Variants in ZNF546 observed in about 807,000 individuals in gnomAD.
ZNF546 encodes CTC-471F3.6.
A neutral mutation model predicts 76.2 loss-of-function variants in ZNF546; 60 were observed. The ratio of observed to expected loss-of-function variants is 0.79; its 90% CI spans 0.64 to 0.98. The LOEUF (loss-of-function observed/expected upper bound fraction) is 0.98. ZNF546 is among the 50% of genes least tolerant of loss of function. The pLI, the probability that ZNF546 is intolerant of heterozygous loss-of-function variation, is 0.00. For synonymous variants in ZNF546, 277 were observed against 328.1 expected (o/e 0.84, Z 1.68); for missense variants, 936 against 1,035.6 (o/e 0.90, Z 1.32).
intron 4 of ZNF546, 35 bp downstream of exon 4, chr19:40,006,217 T>C (rs199771320): frequency 6.4e-7 from 1 of 1,569,936 alleles, no homozygotes; most frequent in East Asian, 2.2e-5. Flanking sequence ...AAATACTGTG[T>C]TTTTAAATTC....
Position 40,006,062 on chromosome 19 carries a change from A to T in ZNF546, c.85-34A>T, listed in dbSNP as rs1208819343. On this transcript the variant is annotated intron_variant, in intron 3 of 6. Coordinates refer to ENST00000347077, the MANE Select transcript of ZNF546 (RefSeq NM_178544.5). Reference sequence around the variant, plus strand: ...AGTCATTTTAGGAGTTTTGACACACATCTGGTCTCAGAGTCACTTGTTCTT... The same window carrying T: ...AGTCATTTTAGGAGTTTTGACACACTTCTGGTCTCAGAGTCACTTGTTCTT... 1.9e-6 allele frequency: 3 copies of T among 1,579,384 alleles called. No individual in the cohort carries two copies. In the African/African-American group the frequency reaches 4.0e-5, roughly 21 times the overall value.
rs554172336 is a variant in ZNF546 at position 40,005,315 on chromosome 19, C to T, written c.85-781C>T. Among the ~76,000 whole-genome samples, 16 of 150,616 alleles carry T rather than the reference C, an allele frequency of 1.1e-4. No individual in the cohort carries two copies. In the East Asian group the frequency reaches 1.4e-3, roughly 13 times the overall value. On this transcript the variant is annotated intron_variant, in intron 3 of 6. Coordinates refer to ENST00000347077, the MANE Select transcript of ZNF546 (RefSeq NM_178544.5). ...GATTACAGGTGTGAGCCACCGCGCC[C>T]GGCCTAACCTGCATGCATCTTAATA...
rs2144632271 is a variant in ZNF546, at chr19:39,997,077, A to T, written c.-215A>T. The T allele has an allele frequency of 6.6e-6, 1 of 152,372 alleles. No individual in the cohort carries two copies. Among genetic ancestry groups the T allele is most frequent in the South Asian group, 2.1e-4 (1 of 4,832 alleles). The allele number at this position is 152,372 out of a possible 1,614,324, so 9.4% of individuals were successfully genotyped here. Reference sequence around the variant, plus strand: ...CCTTGGGCAGTGTTGCCTGGACCCCAAGGGCCCTTTACATTGCGTTCTTAA... The same window carrying T: ...CCTTGGGCAGTGTTGCCTGGACCCCTAGGGCCCTTTACATTGCGTTCTTAA... On this transcript the variant is annotated 5_prime_UTR_variant, in exon 1 of 7. Transcript: ENST00000347077.
In ZNF546 at chr19:40,015,993, A is replaced by C; in HGVS notation, c.*212A>C. On this transcript the variant is annotated 3_prime_UTR_variant, in exon 7 of 7. Coordinates refer to ENST00000347077, the MANE Select transcript of ZNF546 (RefSeq NM_178544.5). ...TTGATACTGATGCACTGCATCCCAAACCATCAAGGGCCTTTTCCCCTACAA... is the reference window on the plus strand; with the variant it reads ...TTGATACTGATGCACTGCATCCCAACCCATCAAGGGCCTTTTCCCCTACAA... 1.8e-6 allele frequency: 1 copy of C among 569,618 alleles called. No individual in the cohort carries two copies. Among genetic ancestry groups the C allele is most frequent in the East Asian group, 3.0e-5 (1 of 33,582 alleles). 35.3% of individuals were successfully genotyped at this position (569,618 alleles called of 1,614,324 possible).
chr19:40,003,193 G>A (rs527348588), intron 3 of ZNF546, among the ~76,000 whole-genome samples: 1 of 151,560 alleles, frequency 6.6e-6, no homozygotes. Flanking sequence ...CTGCCACCAC[G>A]CCTGGCTAAT....
At chr19:39,998,964 G>C (rs1194609831) in intron 3 of ZNF546, among the ~76,000 whole-genome samples, 4 of 152,002 alleles carry the variant, frequency 2.6e-5, no homozygotes, top group Non-Finnish European at 5.9e-5. Flanking sequence ...GTCGAGACAG[G>C]GTTTCACCAC....
intron 6 of ZNF546, among the ~76,000 whole-genome samples, chr19:40,011,727 G>C (rs908583183): frequency 6.6e-6 from 1 of 152,154 alleles, no homozygotes. Context: ...AAAAATTCTA[G>C]ACTAAGTTTT....
Position 40,020,952 on chromosome 19 carries a change from ATAAT to A in ZNF546, c.*5172_*5175del, listed in dbSNP as rs1971847841. 6.6e-6 allele frequency: 1 copy of A among 152,208 alleles called. No homozygotes were observed. Among genetic ancestry groups the A allele is most frequent in the African/African-American group, 2.4e-5 (1 of 41,472 alleles). The allele number at this position is 152,208 out of a possible 1,614,324, so 9.4% of individuals were successfully genotyped here. ...GCTCAATTTTTTATTTGAACGTACT[ATAAT>A]GAATTTAAACTTTCATTGGTATTTA... On this transcript the variant is annotated 3_prime_UTR_variant, in exon 7 of 7. Transcript: ENST00000347077.
rs1444651978 is a variant in ZNF546 at position 40,019,253 on chromosome 19, AG to A, written c.*3475del. On this transcript the variant is annotated 3_prime_UTR_variant, in exon 7 of 7. Coordinates refer to ENST00000347077, the MANE Select transcript of ZNF546 (RefSeq NM_178544.5). ...TAATATATTCAGGAAACAAATATTG[AG>A]GGCCAGCACTTTGTTTCTCCTGCTC... 1 of 152,232 alleles carries A rather than the reference AG, an allele frequency of 6.6e-6. No homozygotes were observed. Among genetic ancestry groups the A allele is most frequent in the Non-Finnish European group, 1.5e-5 (1 of 68,048 alleles). The allele number at this position is 152,232 out of a possible 1,614,324, so 9.4% of individuals were successfully genotyped here. A position where few individuals can be genotyped will look rare whatever the true frequency, so the allele number is the denominator to read the frequency against.
chr19:40,009,714 T>G (rs982488458), intron 6 of ZNF546, among the ~76,000 whole-genome samples: 6 of 152,216 alleles, frequency 3.9e-5, no homozygotes, highest in African/African-American at 1.4e-4. Context: ...GTTTTCATTT[T>G]CTAGAATTTT....
chr19:40,017,966 C>CTTTTTTTT lies in ZNF546; in HGVS notation c.*2207_*2214dup, dbSNP rs1186230239. On this transcript the variant is annotated 3_prime_UTR_variant, in exon 7 of 7. Coordinates refer to ENST00000347077, the MANE Select transcript of ZNF546 (RefSeq NM_178544.5). Reference sequence around the variant, plus strand: ...CCCCACAACTTTATTGCAACATTGACTTTTTTTTTTTTTTTTTTTTTTTTT... The same window carrying CTTTTTTTT: ...CCCCACAACTTTATTGCAACATTGACTTTTTTTTTTTTTTTTTTTTTTTTTTTTTTTTT... 5.5e-4 allele frequency: 35 copies of CTTTTTTTT among 63,088 alleles called. 2 individuals are homozygous for CTTTTTTTT. Among genetic ancestry groups the CTTTTTTTT allele is most frequent in the Non-Finnish European group, 6.7e-4 (22 of 32,742 alleles). 3.9% of individuals were successfully genotyped at this position (63,088 alleles called of 1,614,324 possible).
At position 40,017,809 on chromosome 19, in the gene ZNF546, A is replaced by G. The variant is rs1971793422; in HGVS notation, c.*2028A>G. 1.3e-5 allele frequency: 2 copies of G among 152,078 alleles called. No homozygotes were observed. Among genetic ancestry groups the G allele is most frequent in the African/African-American group, 4.8e-5 (2 of 41,404 alleles). 9.4% of individuals were successfully genotyped at this position (152,078 alleles called of 1,614,324 possible). On this transcript the variant is annotated 3_prime_UTR_variant, in exon 7 of 7. Coordinates refer to ENST00000347077, the MANE Select transcript of ZNF546 (RefSeq NM_178544.5). ...TCTGTAATATTCAGTCTGTGTTCAT[A>G]TTCTCAGTTGTGTTCATTCTTTTCA... is the stretch of plus-strand genomic sequence containing the variant.
chr19:40,009,115 G>A (rs573070879), intron 6 of ZNF546, among the ~76,000 whole-genome samples: 1 of 152,244 alleles, frequency 6.6e-6, no homozygotes, highest in South Asian at 2.1e-4. Context: ...AGTTAGTAGG[G>A]CTAATTTAGA....
At position 39,998,552 on chromosome 19, in the gene ZNF546, G is replaced by A. The variant is rs931935741; in HGVS notation, c.84+142G>A. 48 of 677,790 alleles carry A rather than the reference G, an allele frequency of 7.1e-5. No homozygotes were observed. The East Asian group carries it at 1.3e-3, about 19-fold the overall frequency. 42.0% of individuals were successfully genotyped at this position (677,790 alleles called of 1,614,324 possible). A position where few individuals can be genotyped will look rare whatever the true frequency, so the allele number is the denominator to read the frequency against. On this transcript the variant is annotated intron_variant, in intron 3 of 6. Transcript: ENST00000347077. ...AATATGACAGGATTAGAGATGACCT[G>A]ACTAGTGTCAGTAAGCAAGTGATAA...
chr19:40,004,018 AT>A (rs201179241), intron 3 of ZNF546, among the ~76,000 whole-genome samples: 2,218 of 106,888 alleles, frequency 0.021, 38 homozygotes, highest in African/African-American at 0.12. Flanking sequence ...TCTCAAAAAA[AT>A]ATATATATAT....
chr19:40,003,766 C>A (rs1246992356), intron 3 of ZNF546, among the ~76,000 whole-genome samples: 1 of 152,074 alleles, frequency 6.6e-6, no homozygotes, highest in African/African-American at 2.4e-5. Flanking sequence ...AATACCAGCA[C>A]TTTGGGAGGC....
In ZNF546 at chr19:40,014,874, G is replaced by A. The variant is rs138765347; in HGVS notation, c.1604G>A (p.Arg535His). Residue 535 changes from arginine to histidine, a missense_variant, in exon 7 of 7, where the codon CGT (arginine) becomes CAT (histidine). Transcript: ENST00000347077. ...TGTAACGAATGTGGAAAAGCCTTTC[G>A]TCTTCAAGGAGAACTTACCCGACAT... is the stretch of plus-strand genomic sequence containing the variant. ...YICNECGKAF[R>H]LQGELTRHHR... 4.0e-5 allele frequency: 64 copies of A among 1,613,640 alleles called. No individual in the cohort carries two copies. The highest frequency in any genetic ancestry group is 3.8e-4 in the East Asian group (17 of 44,824).
intron 3 of ZNF546, among the ~76,000 whole-genome samples, chr19:39,999,432 C>T (rs234328): frequency 0.16 from 23,843 of 152,012 alleles, 4,531 homozygotes; most frequent in African/African-American, 0.45. Context: ...GGATATAGAT[C>T]TATTGTATAC....
Position 40,007,420 on chromosome 19 carries a change from C to A in ZNF546, c.298+20C>A. The A allele has an allele frequency of 1.9e-6, 3 of 1,567,870 alleles. No individual in the cohort carries two copies. The highest frequency in any genetic ancestry group is 1.7e-6 in the Non-Finnish European group (2 of 1,157,052). ...CACTGGGTAAGGTATCTTTCGAAATCGTTTACAATCTGTTTTCTGGAGTAT... is the reference window on the plus strand; with the variant it reads ...CACTGGGTAAGGTATCTTTCGAAATAGTTTACAATCTGTTTTCTGGAGTAT... On this transcript the variant is annotated intron_variant, in intron 5 of 6. Transcript: ENST00000347077.
Sources: gnomAD v4.1 joint callset for allele counts (sites outside exome capture counted in the v4.1 genomes callset) on GRCh38, gnomAD v4.1.1 for gene constraint, MANE v1.5 for transcripts, NCBI Gene and HGNC (gene_info 2026-07-23, HGNC 2026-07-21) for gene names.